RSPO4: variants seen among roughly 807,000 people sequenced by gnomAD.
The protein encoded by RSPO4 is R-spondin 4.
Under a neutral mutation model 24.8 loss-of-function variants are expected in RSPO4, and 23 were observed. The observed-to-expected ratio is 0.93, with a 90% CI of 0.67 to 1.31. The LOEUF (loss-of-function observed/expected upper bound fraction) is 1.31. RSPO4 is among the 40% of genes most tolerant of loss of function. RSPO4 has a pLI of 0.00. For synonymous variants in RSPO4, 141 were observed against 127.4 expected (o/e 1.11, Z -0.72); for missense variants, 333 against 316.5 (o/e 1.05, Z -0.39).
At chr20:960,553 C>T in intron 4 of RSPO4, 87 bp from the exon 5 acceptor site, 2 of 944,472 alleles carry the variant, frequency 2.1e-6, no homozygotes, top group Non-Finnish European at 3.3e-6. Flanking sequence ...GACAAGGGTG[C>T]CCCACCCACT....
At chr20:979,036 C>T (rs1037592939) in intron 1 of RSPO4, among the ~76,000 whole-genome samples, 9 of 152,208 alleles carry the variant, frequency 5.9e-5, no homozygotes, top group African/African-American at 2.2e-4. Flanking sequence ...CTACTCCACT[C>T]AGGGCCAAAG....
intron 1 of RSPO4, among the ~76,000 whole-genome samples, chr20:988,741 G>A (rs1050890903): frequency 3.3e-5 from 5 of 152,034 alleles, no homozygotes; most frequent in African/African-American, 4.8e-5. Flanking sequence ...AGTAGAGATG[G>A]GGTTTCACCA....
chr20:984,278 G>A (rs1984832607), intron 1 of RSPO4, among the ~76,000 whole-genome samples: 2 of 152,108 alleles, frequency 1.3e-5, no homozygotes, highest in Non-Finnish European at 2.9e-5. Context: ...AGCAGAGGTT[G>A]CAGTGAGCCG....
intron 1 of RSPO4, among the ~76,000 whole-genome samples, chr20:992,074 C>T (rs565908090): frequency 3.9e-5 from 6 of 152,016 alleles, no homozygotes; most frequent in African/African-American, 1.2e-4. Flanking sequence ...GCATCTGATT[C>T]GGTTTTTCCA....
Position 964,731 on chromosome 20 carries a change from TAC to T in RSPO4, c.410-613_410-612del, listed in dbSNP as rs756647472. On this transcript the variant is annotated intron_variant, in intron 3 of 4. Coordinates refer to ENST00000217260, the MANE Select transcript of RSPO4 (RefSeq NM_001029871.4). Reference sequence around the variant, plus strand: ...ACACATATATATATACACATATATATACACACACACACATATATATACACATA... The same window carrying T: ...ACACATATATATATACACATATATATACACACACACATATATATACACATA... Among the ~76,000 whole-genome samples the T allele has an allele frequency of 8.8e-4, 130 of 148,096 alleles. 1 individual carries two copies. Among genetic ancestry groups the T allele is most frequent in the South Asian group, 8.4e-3 (39 of 4,670 alleles).
At chr20:982,810 T>A (rs1368585003) in intron 1 of RSPO4, among the ~76,000 whole-genome samples, 1 of 152,196 alleles carries the variant, frequency 6.6e-6, no homozygotes, top group Non-Finnish European at 1.5e-5. Context: ...CCTCTCCCTC[T>A]TGTCGGGGGT....
intron 1 of RSPO4, among the ~76,000 whole-genome samples, chr20:985,522 C>T (rs28665787): frequency 0.026 from 3,895 of 152,336 alleles, 204 homozygotes; most frequent in East Asian, 0.22. Context: ...AGTGACTCTC[C>T]AATGCCATGC....
At chr20:961,505 C>A (rs1983997208) in intron 4 of RSPO4, among the ~76,000 whole-genome samples, 1 of 152,204 alleles carries the variant, frequency 6.6e-6, no homozygotes, top group African/African-American at 2.4e-5. Context: ...CCTTCCTCTG[C>A]AGAGCAGAGT....
intron 1 of RSPO4, among the ~76,000 whole-genome samples, chr20:977,268 C>T (rs1166930436): frequency 6.6e-6 from 1 of 152,200 alleles, no homozygotes; most frequent in African/African-American, 2.4e-5. Flanking sequence ...GTGATGCTGA[C>T]CTTTGCTGGT....
At chr20:980,710 A>G (rs1037530068) in intron 1 of RSPO4, among the ~76,000 whole-genome samples, 9 of 152,136 alleles carry the variant, frequency 5.9e-5, no homozygotes, top group Non-Finnish European at 1.3e-4. Flanking sequence ...CCGGGGTTCA[A>G]ACTCACATTT....
chr20:979,209 T>A (rs925440066), intron 1 of RSPO4, among the ~76,000 whole-genome samples: 1 of 152,138 alleles, frequency 6.6e-6, no homozygotes, highest in Non-Finnish European at 1.5e-5. Context: ...ACCACTCACC[T>A]TCCCTGGCCA....
At chr20:985,963 G>A (rs1984906929) in intron 1 of RSPO4, among the ~76,000 whole-genome samples, 2 of 152,226 alleles carry the variant, frequency 1.3e-5, no homozygotes, top group South Asian at 4.1e-4. Context: ...CAAAAGGGGT[G>A]GGGTCTGGCA....
chr20:962,896 C>G (rs965296059), intron 4 of RSPO4, among the ~76,000 whole-genome samples: 5 of 152,222 alleles, frequency 3.3e-5, no homozygotes, highest in Admixed American at 2.0e-4. Flanking sequence ...CCTCAGTCCC[C>G]TCATCTGTAA....
intron 1 of RSPO4, among the ~76,000 whole-genome samples, chr20:999,035 G>A (rs542510468): frequency 6.6e-6 from 1 of 150,792 alleles, no homozygotes; most frequent in South Asian, 2.1e-4. Context: ...GCCCAGGCTG[G>A]GGTGCAGTGG....
At chr20:978,570 A>AAACTGCTCTCAGGGGGCTCACAGCCTATT (rs1984640253) in intron 1 of RSPO4, among the ~76,000 whole-genome samples, 1 of 152,166 alleles carries the variant, frequency 6.6e-6, no homozygotes, top group Non-Finnish European at 1.5e-5. Context: ...AGGTTCTCAA[A>AAACTGCTCTCAGGGGGCTCACAGCCTATT]AACTGCTCTC....
intron 1 of RSPO4, among the ~76,000 whole-genome samples, chr20:985,675 G>A (rs1984898575): frequency 6.6e-6 from 1 of 152,188 alleles, no homozygotes; most frequent in Non-Finnish European, 1.5e-5. Context: ...ATTGAGAGGG[G>A]GCCAACTATC....
intron 4 of RSPO4, among the ~76,000 whole-genome samples, chr20:962,294 G>C (rs971189861): frequency 6.6e-6 from 1 of 152,184 alleles, no homozygotes; most frequent in Non-Finnish European, 1.5e-5. Flanking sequence ...CTCTGAGGAG[G>C]AGCCACTGCA....
intron 1 of RSPO4, among the ~76,000 whole-genome samples, chr20:984,317 C>T (rs543427097): frequency 1.7e-4 from 24 of 139,572 alleles, no homozygotes; most frequent in East Asian, 8.6e-4. Flanking sequence ...CCACCCTGGG[C>T]GACAGAGTGA....
At chr20:975,448 C>T (rs1984531985) in intron 1 of RSPO4, among the ~76,000 whole-genome samples, 1 of 152,166 alleles carries the variant, frequency 6.6e-6, no homozygotes, top group African/African-American at 2.4e-5. Flanking sequence ...CTCCCTCAGT[C>T]AAAACACCAG....
Sources: allele counts gnomAD v4.1 joint callset (sites outside exome capture counted in the v4.1 genomes callset), GRCh38; gene constraint gnomAD v4.1.1; transcripts MANE v1.5; gene names NCBI Gene and HGNC (gene_info 2026-07-23, HGNC 2026-07-21).